PPP1R16B: variants seen among roughly 807,000 people sequenced by gnomAD.
PPP1R16B encodes the protein protein phosphatase 1 regulatory inhibitor subunit 16B.
In PPP1R16B, 14 loss-of-function variants were observed where a neutral mutation model predicts 61.7. The ratio of observed to expected loss-of-function variants is 0.23; its 90% confidence interval spans 0.15 to 0.35. The LOEUF (loss-of-function observed/expected upper bound fraction) is 0.35, where lower values mean the gene tolerates loss of function less well. PPP1R16B is among the 10% of genes least tolerant of loss of function. The pLI is 1.00. For synonymous variants in PPP1R16B, 266 were observed against 305.3 expected (o/e 0.87, Z 1.34); for missense variants, 547 against 752.5 (o/e 0.73, Z 3.19).
chr20:38,843,254 T>C (rs1270735881), intron 2 of PPP1R16B, among the ~76,000 whole-genome samples: 1 of 152,298 alleles, frequency 6.6e-6, no homozygotes, highest in African/African-American at 2.4e-5. Flanking sequence ...TGCTTCTGCG[T>C]AGCAGATGAA....
intron 2 of PPP1R16B, among the ~76,000 whole-genome samples, chr20:38,843,767 CAAA>C (rs200109402): frequency 6.9e-6 from 1 of 144,816 alleles, no homozygotes; most frequent in Non-Finnish European, 1.5e-5. Flanking sequence ...TTTTTCAAAA[CAAA>C]AAAAAAAGCA....
intron 1 of PPP1R16B, among the ~76,000 whole-genome samples, chr20:38,818,096 G>C (rs1308718694): frequency 6.6e-6 from 1 of 152,242 alleles, no homozygotes; most frequent in Non-Finnish European, 1.5e-5. Context: ...GGTTAGTGTG[G>C]TGTAGTGAAA....
chr20:38,861,385 T>A (rs758775331), intron 2 of PPP1R16B, among the ~76,000 whole-genome samples: 3 of 152,224 alleles, frequency 2.0e-5, no homozygotes, highest in Non-Finnish European at 2.9e-5. Flanking sequence ...AGATTTGATC[T>A]TGTGATGAGA....
intron 2 of PPP1R16B, among the ~76,000 whole-genome samples, chr20:38,884,144 T>G (rs1215722518): frequency 6.6e-6 from 1 of 152,206 alleles, no homozygotes; most frequent in Non-Finnish European, 1.5e-5. Context: ...CCAAGCCAGC[T>G]TCCTCCATTG....
intron 2 of PPP1R16B, among the ~76,000 whole-genome samples, chr20:38,884,088 C>G (rs542702478): frequency 6.6e-6 from 1 of 152,176 alleles, no homozygotes; most frequent in African/African-American, 2.4e-5. Flanking sequence ...AATAAGCGTG[C>G]CTTTCTCGTC....
chr20:38,813,170 C>T (rs1160513829), intron 1 of PPP1R16B, among the ~76,000 whole-genome samples: 3 of 152,196 alleles, frequency 2.0e-5, no homozygotes, highest in Non-Finnish European at 2.9e-5. Context: ...TGTGCCCCTT[C>T]TCTGTGTGCC....
rs146361096 is a variant in PPP1R16B, at chr20:38,869,967, A to G, written c.251-19628A>G. ...AAGACACGGTCTCTCTCTGTCGCCC[A>G]GGCTGGAACACAGTGACGCGATCCC... On this transcript the variant is annotated intron_variant, in intron 2 of 10. Transcript: ENST00000299824. Among the ~76,000 whole-genome samples, 137 of 151,744 alleles carry G rather than the reference A, an allele frequency of 9.0e-4. 1 individual carries two copies. The East Asian group carries it at 0.024, about 27-fold the overall frequency.
intron 2 of PPP1R16B, among the ~76,000 whole-genome samples, chr20:38,852,899 G>C (rs912035569): frequency 6.6e-6 from 1 of 151,780 alleles, no homozygotes; most frequent in African/African-American, 2.4e-5. Context: ...TCCGTCTCCT[G>C]AGTAGCTGGG....
intron 3 of PPP1R16B, among the ~76,000 whole-genome samples, chr20:38,889,965 GAC>G (rs1328061032): frequency 6.6e-6 from 1 of 152,230 alleles, no homozygotes; most frequent in Non-Finnish European, 1.5e-5. Context: ...TTTGGAGCTT[GAC>G]AGTGTACGAA....
In PPP1R16B at chr20:38,806,723, C is replaced by T. The variant is rs1268186189; in HGVS notation, c.-102+931C>T. On this transcript the variant is annotated intron_variant, in intron 1 of 10. Coordinates refer to ENST00000299824, the MANE Select transcript of PPP1R16B (RefSeq NM_015568.4). This position sits in a 1 kb window ranked among gnomAD's most constrained non-coding sequence, Gnocchi z 4.5. Reference sequence around the variant, plus strand: ...ACTCCCTTCCTCCGCTCCCCCACCCCGGCCCGGCCTCCAGCTTCACTGGAG... The same window carrying T: ...ACTCCCTTCCTCCGCTCCCCCACCCTGGCCCGGCCTCCAGCTTCACTGGAG... 2.0e-5 allele frequency among the ~76,000 whole-genome samples: 3 copies of T among 152,192 alleles called. No homozygotes were observed. Among genetic ancestry groups the T allele is most frequent in the Non-Finnish European group, 2.9e-5 (2 of 68,026 alleles).
At chr20:38,849,688 A>C (rs575033625) in intron 2 of PPP1R16B, among the ~76,000 whole-genome samples, 5 of 149,542 alleles carry the variant, frequency 3.3e-5, no homozygotes, top group Non-Finnish European at 5.9e-5. Context: ...ACAACAACAA[A>C]AAAAAAACAA....
Position 38,842,807 on chromosome 20 carries a change from G to A in PPP1R16B, c.250+6632G>A, listed in dbSNP as rs1232773636. Among the ~76,000 whole-genome samples the A allele has an allele frequency of 2.1e-5, 3 of 142,902 alleles. No individual in the cohort carries two copies. In the East Asian group the frequency reaches 6.1e-4, roughly 29 times the overall value. The allele number at this position is 142,902 out of a possible 152,430, so 93.7% of individuals were successfully genotyped here. ...TTCACTTTTGGTCCTTTTAAAAAGGGAAGTTTCTTTTCTTCTAATTATTAA... is the reference window on the plus strand; with the variant it reads ...TTCACTTTTGGTCCTTTTAAAAAGGAAAGTTTCTTTTCTTCTAATTATTAA... On this transcript the variant is annotated intron_variant, in intron 2 of 10. Transcript: ENST00000299824.
intron 1 of PPP1R16B, among the ~76,000 whole-genome samples, chr20:38,807,311 C>T (rs1467408173): frequency 6.6e-6 from 1 of 152,222 alleles, no homozygotes; most frequent in Non-Finnish European, 1.5e-5. Flanking sequence ...GTCTCAACTG[C>T]CTCTAAGATA....
At chr20:38,885,720 T>C (rs143637438) in intron 2 of PPP1R16B, among the ~76,000 whole-genome samples, 1 of 152,316 alleles carries the variant, frequency 6.6e-6, no homozygotes, top group East Asian at 1.9e-4. Context: ...AATAAAGTGG[T>C]TCTGAATTGA....
intron 1 of PPP1R16B, among the ~76,000 whole-genome samples, chr20:38,819,800 G>A (rs1489384469): frequency 2.0e-5 from 3 of 151,996 alleles, no homozygotes; most frequent in Non-Finnish European, 2.9e-5. Context: ...AAAAAAAATT[G>A]TGATGATTTC....
At chr20:38,858,293 G>A (rs1211056171) in intron 2 of PPP1R16B, among the ~76,000 whole-genome samples, 2 of 152,224 alleles carry the variant, frequency 1.3e-5, no homozygotes, top group African/African-American at 2.4e-5. Flanking sequence ...CTTCTCTGAT[G>A]TCCCTGGGGT....
intron 2 of PPP1R16B, among the ~76,000 whole-genome samples, chr20:38,861,374 T>G (rs990409104): frequency 2.0e-5 from 3 of 152,068 alleles, no homozygotes; most frequent in Non-Finnish European, 4.4e-5. Context: ...CTGAGGGAGG[T>G]AGATTTGATC....
rs540488426 is a variant in PPP1R16B at position 38,833,147 on chromosome 20, T to C, written c.-101-2678T>C. Among the ~76,000 whole-genome samples the C allele has an allele frequency of 5.3e-5, 8 of 152,328 alleles. No individual in the cohort carries two copies. The East Asian group carries it at 1.5e-3, about 29-fold the overall frequency. On this transcript the variant is annotated intron_variant, in intron 1 of 10. Coordinates refer to ENST00000299824, the MANE Select transcript of PPP1R16B (RefSeq NM_015568.4). Reference sequence around the variant, plus strand: ...CAAGAAGAAACGCACTATTGATGCATGCAGCAATGTGGATGAATCTCAAAG... The same window carrying C: ...CAAGAAGAAACGCACTATTGATGCACGCAGCAATGTGGATGAATCTCAAAG...
chr20:38,834,795 CAT>C (rs987569560), intron 1 of PPP1R16B, among the ~76,000 whole-genome samples: 21 of 151,870 alleles, frequency 1.4e-4, no homozygotes, highest in African/African-American at 7.3e-5. Context: ...TAATCTATAA[CAT>C]ATTTTTATTA....
Sources: allele counts gnomAD v4.1 joint callset (sites outside exome capture counted in the v4.1 genomes callset), GRCh38; gene constraint gnomAD v4.1.1; non-coding constraint Gnocchi (gnomAD v3.1); transcripts MANE v1.5; gene names NCBI Gene and HGNC (gene_info 2026-07-23, HGNC 2026-07-21).